PAK2: variants seen among roughly 807,000 people sequenced by gnomAD.
PAK2 encodes serine/threonine-protein kinase PAK 2.
Under a neutral mutation model 65.9 loss-of-function variants are expected in PAK2, and 21 were observed. The observed-to-expected ratio is 0.32, with a 90% CI of 0.23 to 0.46. PAK2 has a LOEUF of 0.46. Ranked by LOEUF, PAK2 falls within the 20% of genes least tolerant of loss-of-function variation. PAK2 has a pLI of 1.00. For synonymous variants in PAK2, 204 were observed against 219.7 expected, an observed-to-expected ratio of 0.93 and a Z score of 0.63; for missense variants, 324 against 642.6, an observed-to-expected ratio of 0.50 and a Z score of 5.36.
At chr3:196,777,493 C>T (rs569182448) in intron 1 of PAK2, among the ~76,000 whole-genome samples, 5 of 152,312 alleles carry the variant, frequency 3.3e-5, no homozygotes, top group African/African-American at 1.2e-4. Flanking sequence ...CGCGAGCCAA[C>T]ATGCCCAGCC....
intron 11 of PAK2, among the ~76,000 whole-genome samples, chr3:196,817,714 G>T (rs1001547385): frequency 6.6e-6 from 1 of 152,086 alleles, no homozygotes; most frequent in East Asian, 1.9e-4. Context: ...GGCCAGGCTG[G>T]TCTTGAATTC....
At chr3:196,812,529 G>A (rs1006653451) in intron 9 of PAK2, among the ~76,000 whole-genome samples, 1 of 152,128 alleles carries the variant, frequency 6.6e-6, no homozygotes, top group Non-Finnish European at 1.5e-5. Context: ...CTGACTGTGG[G>A]TGTATTAATC....
chr3:196,762,989 T>TA (rs1344634452), intron 1 of PAK2, among the ~76,000 whole-genome samples: 2 of 151,776 alleles, frequency 1.3e-5, no homozygotes, highest in East Asian at 1.9e-4. Context: ...GATTAGCCAG[T>TA]AAAAAAATAG....
At chr3:196,826,160 TTTTGTTTG>T (rs200292124) in intron 13 of PAK2, among the ~76,000 whole-genome samples, 1 of 151,338 alleles carries the variant, frequency 6.6e-6, no homozygotes, top group Non-Finnish European at 1.5e-5. Context: ...CCTAATTTGT[TTTTGTTTG>T]TTTGTTTGTT....
At chr3:196,802,183 G>C (rs1039732936) in intron 3 of PAK2, among the ~76,000 whole-genome samples, 156 bp downstream of exon 3, 2 of 152,170 alleles carry the variant, frequency 1.3e-5, no homozygotes, top group African/African-American at 4.8e-5. Flanking sequence ...CAGATCATTT[G>C]AGGTCAGGAG....
At chr3:196,747,279 C>G (rs1338849058) in intron 1 of PAK2, 1 of 151,924 alleles carries the variant, frequency 6.6e-6, no homozygotes. Flanking sequence ...GGTAATCGCT[C>G]CTCGGATAGA....
rs540157149 is a variant in PAK2 at position 196,755,220 on chromosome 3, G to T, written c.-22+15063G>T. ...TCACTTAAGTAGTAACATCAGTCTT[G>T]ACCTTCATCTTTTAATAAAAGATTT... On this transcript the variant is annotated intron_variant, in intron 1 of 14. Transcript: ENST00000327134. Among the ~76,000 whole-genome samples, 3 of 152,246 alleles carry T rather than the reference G, an allele frequency of 2.0e-5. No individual in the cohort carries two copies. The South Asian group carries it at 6.2e-4, about 32-fold the overall frequency.
chr3:196,754,519 A>C (rs1247956540), intron 1 of PAK2, among the ~76,000 whole-genome samples: 1 of 152,164 alleles, frequency 6.6e-6, no homozygotes, highest in Non-Finnish European at 1.5e-5. Context: ...GGGCTAGGGT[A>C]GTAGGATCTT....
chr3:196,803,661 T>C (rs928719544), intron 4 of PAK2, among the ~76,000 whole-genome samples: 11 of 152,326 alleles, frequency 7.2e-5, no homozygotes, highest in Admixed American at 2.6e-4. Flanking sequence ...ATAAATCATA[T>C]ACGAAAGAAG....
At position 196,818,175 on chromosome 3, in the gene PAK2, A is replaced by G. The variant is rs776556837; in HGVS notation, c.1153+19A>G. 1.2e-6 allele frequency: 1 copy of G among 866,572 alleles called. No individual in the cohort carries two copies. Among genetic ancestry groups the G allele is most frequent in the Admixed American group, 1.9e-5 (1 of 51,928 alleles). 53.7% of individuals were successfully genotyped at this position (866,572 alleles called of 1,614,324 possible). On this transcript the variant is annotated intron_variant, in intron 12 of 14. Transcript: ENST00000327134. ...AAGCTCAGTGAGTAACAAATGGACA[A>G]TTCACAATCATTTATTATAATTTTC...
intron 13 of PAK2, among the ~76,000 whole-genome samples, chr3:196,823,827 GA>G (rs980279512): frequency 7.1e-6 from 1 of 140,816 alleles, no homozygotes; most frequent in South Asian, 2.3e-4. Flanking sequence ...AAAAAAAAAA[GA>G]AAAAAACACC....
At chr3:196,774,390 A>G (rs1714470018) in intron 1 of PAK2, among the ~76,000 whole-genome samples, 1 of 152,156 alleles carries the variant, frequency 6.6e-6, no homozygotes, top group African/African-American at 2.4e-5. Flanking sequence ...AATCCTTTAC[A>G]ATCTTAATAC....
At chr3:196,799,124 C>T (rs781251081) in intron 2 of PAK2, among the ~76,000 whole-genome samples, 20 of 151,860 alleles carry the variant, frequency 1.3e-4, no homozygotes, top group Non-Finnish European at 2.2e-4. Flanking sequence ...TTTTATTCAC[C>T]GACAACATGA....
chr3:196,810,506 G>A, intron 7 of PAK2, 84 bp from the exon 8 acceptor site: 1 of 766,582 alleles, frequency 1.3e-6, no homozygotes, highest in Non-Finnish European at 2.3e-6. Context: ...AAAAACAGTG[G>A]AGTTCATTAA....
chr3:196,778,848 G>A (rs988679564), intron 1 of PAK2, among the ~76,000 whole-genome samples: 1 of 152,210 alleles, frequency 6.6e-6, no homozygotes, highest in Non-Finnish European at 1.5e-5. Context: ...GGGTTTGTCT[G>A]GTGTTTTTCT....
rs2108781758 is a variant in PAK2, at chr3:196,831,493, T to C, written c.*3088T>C. ...AGGCTAATACAACTCTGTCTTCATGTGTTGACTGCCTGGCACATAGTATTC... is the reference window on the plus strand; with the variant it reads ...AGGCTAATACAACTCTGTCTTCATGCGTTGACTGCCTGGCACATAGTATTC... On this transcript the variant is annotated 3_prime_UTR_variant, in exon 15 of 15. Transcript: ENST00000327134. 6.6e-6 allele frequency: 1 copy of C among 152,344 alleles called. No individual in the cohort carries two copies. Among genetic ancestry groups the C allele is most frequent in the East Asian group, 1.9e-4 (1 of 5,190 alleles). 9.4% of individuals were successfully genotyped at this position (152,344 alleles called of 1,614,324 possible). A position where few individuals can be genotyped will look rare whatever the true frequency, so the allele number is the denominator to read the frequency against.
intron 1 of PAK2, among the ~76,000 whole-genome samples, chr3:196,775,689 A>C (rs890264871): frequency 2.0e-5 from 3 of 152,138 alleles, no homozygotes; most frequent in Admixed American, 1.3e-4. Flanking sequence ...ACCAAAATGT[A>C]AGGAAAGGCT....
intron 1 of PAK2, among the ~76,000 whole-genome samples, chr3:196,762,581 C>T (rs1714017887): frequency 6.6e-6 from 1 of 150,568 alleles, no homozygotes; most frequent in African/African-American, 2.4e-5. Context: ...AGGCACTCGG[C>T]AGGCTGAGGC....
chr3:196,782,917 C>A, intron 2 of PAK2, 84 bp downstream of exon 2: 1 of 785,118 alleles, frequency 1.3e-6, no homozygotes, highest in Non-Finnish European at 2.0e-6. Context: ...ATGGTGAGAA[C>A]ATTAAAACAG....
Sources: allele counts gnomAD v4.1 joint callset (sites outside exome capture counted in the v4.1 genomes callset), GRCh38; gene constraint gnomAD v4.1.1; transcripts MANE v1.5; gene names NCBI Gene and HGNC (gene_info 2026-07-23, HGNC 2026-07-21).